DIAPH2: variants seen among roughly 807,000 people sequenced by gnomAD.
DIAPH2 encodes the protein protein diaphanous homolog 2.
DIAPH2 carries 35 observed loss-of-function variants against 92.7 expected under a neutral mutation model. The ratio of observed to expected loss-of-function variants is 0.38; its 90% CI spans 0.29 to 0.50. The LOEUF is 0.50. Ranked by LOEUF, DIAPH2 falls within the 20% of genes least tolerant of loss-of-function variation. DIAPH2 has a pLI of 0.94. For missense variants in DIAPH2, 701 were observed against 819.5 expected (o/e 0.86, Z 1.77); for synonymous variants, 301 against 280.4 (o/e 1.07, Z -0.73).
chrX:97,037,548 G>A (rs17003776), intron 17 of DIAPH2, among the ~76,000 whole-genome samples: 4,496 of 111,252 alleles, frequency 0.04, 233 homozygotes, highest in African/African-American at 0.14. Flanking sequence ...TTTATATGAC[G>A]CAATTGCAAT....
At chrX:97,071,595 T>C (rs1397467613) in intron 17 of DIAPH2, among the ~76,000 whole-genome samples, 1 of 111,489 alleles carries the variant, frequency 9.0e-6, no homozygotes, top group Admixed American at 9.6e-5. Flanking sequence ...GGTAATTTAT[T>C]TTATTAATAT....
intron 26 of DIAPH2, among the ~76,000 whole-genome samples, chrX:97,590,385 T>C (rs1044261569): frequency 2.1e-4 from 23 of 111,672 alleles, no homozygotes; most frequent in Non-Finnish European, 3.2e-4. Flanking sequence ...AAAGAGTAGA[T>C]ACATGGTCTT....
intron 26 of DIAPH2, among the ~76,000 whole-genome samples, chrX:97,518,404 C>A (rs890251373): frequency 9.0e-6 from 1 of 110,669 alleles, no homozygotes; most frequent in African/African-American, 3.3e-5. Context: ...GGGGAAGAAT[C>A]CCCAGAAGAG....
At chrX:97,039,864 T>C (rs1321592072) in intron 17 of DIAPH2, among the ~76,000 whole-genome samples, 1 of 111,610 alleles carries the variant, frequency 9.0e-6, no homozygotes, top group African/African-American at 3.3e-5. Flanking sequence ...ACTTTAAAGA[T>C]CATCGTTTAA....
At chrX:97,040,723 ATAATAG>A (rs1010039384) in intron 17 of DIAPH2, among the ~76,000 whole-genome samples, 3 of 110,276 alleles carry the variant, frequency 2.7e-5, no homozygotes, top group African/African-American at 9.8e-5. Flanking sequence ...TATTTTAAAA[ATAATAG>A]TAATAATAAT....
chrX:96,969,943 T>A (rs980871371), intron 17 of DIAPH2, among the ~76,000 whole-genome samples: 14 of 111,842 alleles, frequency 1.3e-4, no homozygotes, highest in African/African-American at 4.6e-4. Flanking sequence ...GGATGCTGGA[T>A]CTTATTGATG....
intron 3 of DIAPH2, among the ~76,000 whole-genome samples, chrX:96,751,906 G>A (rs1265533565): frequency 2.8e-5 from 3 of 107,086 alleles, no homozygotes; most frequent in East Asian, 5.9e-4. Context: ...GCCCGCCTCG[G>A]CCTCCCAAAG....
chrX:96,797,154 T>C (rs1373697910), intron 4 of DIAPH2, among the ~76,000 whole-genome samples: 1 of 111,737 alleles, frequency 8.9e-6, no homozygotes, highest in Non-Finnish European at 1.9e-5. Flanking sequence ...TTTCATCCAT[T>C]GTCTTCTGAG....
intron 23 of DIAPH2, among the ~76,000 whole-genome samples, chrX:97,269,544 G>T (rs144248141): frequency 0.018 from 2,009 of 111,442 alleles, 14 homozygotes; most frequent in Middle Eastern, 0.041. Flanking sequence ...GTTCATTCAG[G>T]TCTGTTTGCT....
intron 23 of DIAPH2, among the ~76,000 whole-genome samples, chrX:97,321,429 T>C (rs1452429665): frequency 1.8e-5 from 2 of 110,450 alleles, no homozygotes; most frequent in Non-Finnish European, 3.8e-5. Flanking sequence ...TATTGCAAAA[T>C]AAGTAATATA....
rs887606279 is a variant in DIAPH2 at position 97,253,189 on chromosome X, G to A, written c.2844+5350G>A. 1.1e-4 allele frequency among the ~76,000 whole-genome samples: 12 copies of A among 109,318 alleles called. 1 individual carries two copies. Among genetic ancestry groups the A allele is most frequent in the Admixed American group, 8.9e-4 (9 of 10,061 alleles). 94.9% of individuals were successfully genotyped at this position (109,318 alleles called of 115,157 possible). On this transcript the variant is annotated intron_variant, in intron 23 of 26. Coordinates refer to ENST00000324765, the MANE Select transcript of DIAPH2 (RefSeq NM_006729.5). ...TATAATCCCAGCTACTCAGGAGGCT[G>A]AGGCAGGAGAATCACTTGAACCTGG...
chrX:97,562,341 CA>C (rs760285716), intron 26 of DIAPH2, among the ~76,000 whole-genome samples: 3,358 of 86,425 alleles, frequency 0.039, 127 homozygotes, highest in African/African-American at 0.12. Context: ...ACTAAAAATA[CA>C]AAAAAAAAAA....
In DIAPH2 at chrX:97,491,113, A is replaced by G. The variant is rs188124016; in HGVS notation, c.3241+61368A>G. Among the ~76,000 whole-genome samples, 4 of 111,866 alleles carry G rather than the reference A, an allele frequency of 3.6e-5. No homozygotes were observed. The Admixed American group carries it at 3.8e-4, about 11-fold the overall frequency. On this transcript the variant is annotated intron_variant, in intron 26 of 26. Coordinates refer to ENST00000324765, the MANE Select transcript of DIAPH2 (RefSeq NM_006729.5). The stretch of plus-strand genomic sequence containing the variant: ...TAATATTTGGTGTATATATGGATTT[A>G]TAATTGTTATATCTTCCTGATGAAT...
intron 17 of DIAPH2, among the ~76,000 whole-genome samples, chrX:97,005,010 G>A (rs1016345077): frequency 3.6e-5 from 4 of 111,596 alleles, no homozygotes; most frequent in Non-Finnish European, 7.5e-5. Context: ...TTTTTATCAT[G>A]AAGGGATGTT....
intron 22 of DIAPH2, among the ~76,000 whole-genome samples, chrX:97,169,910 T>A (rs753486421): frequency 1.8e-5 from 2 of 111,448 alleles, no homozygotes; most frequent in Admixed American, 9.5e-5. Flanking sequence ...CAAACAAAGA[T>A]TTGCAAATTG....
chrX:96,750,609 A>G (rs1602476578), intron 3 of DIAPH2, among the ~76,000 whole-genome samples: 1 of 111,830 alleles, frequency 8.9e-6, no homozygotes, highest in East Asian at 2.8e-4. Context: ...TAAATCATTT[A>G]TTTTGGTTAT....
At chrX:96,762,973 A>G (rs1334973034) in intron 4 of DIAPH2, 1 of 345,578 alleles carries the variant, frequency 2.9e-6, no homozygotes, top group Non-Finnish European at 4.2e-6. Flanking sequence ...TCAAAAATAT[A>G]AATAGGGTTA....
At chrX:97,500,947 T>C (rs185333732) in intron 26 of DIAPH2, among the ~76,000 whole-genome samples, 1 of 108,955 alleles carries the variant, frequency 9.2e-6, no homozygotes, top group Non-Finnish European at 1.9e-5. Flanking sequence ...TTTTGCTTTT[T>C]ATTCCAACCT....
At chrX:97,147,921 G>A (rs1030632211) in intron 22 of DIAPH2, among the ~76,000 whole-genome samples, 5 of 111,491 alleles carry the variant, frequency 4.5e-5, no homozygotes, top group African/African-American at 1.6e-4. Context: ...TGTTATAGGG[G>A]AAAATCTATG....
Sources: gnomAD v4.1 joint callset for allele counts (sites outside exome capture counted in the v4.1 genomes callset) on GRCh38, gnomAD v4.1.1 for gene constraint, MANE v1.5 for transcripts, NCBI Gene and HGNC (gene_info 2026-07-23, HGNC 2026-07-21) for gene names.